SCHIP1: variants seen among roughly 807,000 people sequenced by gnomAD.
SCHIP1 encodes the protein schwannomin-interacting protein 1.
SCHIP1 carries 8 observed loss-of-function variants against 29.7 expected under a neutral mutation model. That is an observed-to-expected ratio of 0.27 (90% CI 0.16 to 0.49). The LOEUF (loss-of-function observed/expected upper bound fraction) is 0.49, where lower values mean the gene tolerates loss of function less well. Ranked by LOEUF, SCHIP1 falls within the 20% of genes least tolerant of loss-of-function variation. The pLI is 0.99. For missense variants in SCHIP1, 193 were observed against 294.6 expected (o/e 0.66, Z 2.52); for synonymous variants, 76 against 94.9 (o/e 0.80, Z 1.16).
At chr3:159,811,768 T>C in the SCHIP1 span, among the ~76,000 whole-genome samples, 1 of 152,184 alleles carries the variant, frequency 6.6e-6, no homozygotes, top group African/African-American at 2.4e-5. Context: ...CTTTTCTAGG[T>C]CCTTTGCATT....
the SCHIP1 span, among the ~76,000 whole-genome samples, chr3:159,576,596 A>G: frequency 6.6e-6 from 1 of 151,970 alleles, no homozygotes; most frequent in Admixed American, 6.6e-5. Context: ...TATTTTCTCC[A>G]TCTTATATTT....
the SCHIP1 span, among the ~76,000 whole-genome samples, chr3:159,327,624 C>A: frequency 2.0e-5 from 3 of 152,154 alleles, no homozygotes; most frequent in African/African-American, 7.2e-5. Context: ...CATTTGCTAG[C>A]AAGCCCACTG....
the SCHIP1 span, among the ~76,000 whole-genome samples, chr3:159,442,362 GGATAGGAGCGCTCCAACCTTTGTT>G: frequency 6.6e-6 from 1 of 152,154 alleles, no homozygotes; most frequent in Non-Finnish European, 1.5e-5. Context: ...AGTCTGGTCA[GGATAGGAGCGCTCCAACCTTTGTT>G]TCTGTCCCCT....
chr3:159,883,575 G>A lies in SCHIP1; in HGVS notation c.150-2632G>A, dbSNP rs149453472. On this transcript the variant is annotated intron_variant, in intron 2 of 6. Transcript: ENST00000445224. ...GAGAGCTGACTTCATCTTAAAACCC[G>A]CTTAAAGGCTAAAAGCAAACAAATC... Among the ~76,000 whole-genome samples the A allele has an allele frequency of 1.8e-3, 276 of 152,068 alleles. 3 individuals carry two copies. The East Asian group carries it at 0.039, about 21-fold the overall frequency.
At chr3:159,417,298 A>C in the SCHIP1 span, among the ~76,000 whole-genome samples, 1 of 152,358 alleles carries the variant, frequency 6.6e-6, no homozygotes, top group East Asian at 1.9e-4. Context: ...AATTGGCAGA[A>C]GAAATTTGGG....
chr3:159,359,953 G>A, the SCHIP1 span, among the ~76,000 whole-genome samples: 7 of 152,316 alleles, frequency 4.6e-5, no homozygotes, highest in African/African-American at 1.7e-4. Flanking sequence ...TAAGTTTTGT[G>A]TACTCTCCCT....
At chr3:159,572,228 G>T in the SCHIP1 span, among the ~76,000 whole-genome samples, 1 of 152,150 alleles carries the variant, frequency 6.6e-6, no homozygotes, top group East Asian at 1.9e-4. Flanking sequence ...GTCAATTTTA[G>T]ATCTTTCCTG....
At chr3:159,487,692 C>A in the SCHIP1 span, among the ~76,000 whole-genome samples, 1 of 152,182 alleles carries the variant, frequency 6.6e-6, no homozygotes, top group African/African-American at 2.4e-5. Context: ...CCATAGCAGG[C>A]CTGTGTGATA....
At chr3:159,736,835 C>G in the SCHIP1 span, among the ~76,000 whole-genome samples, 1 of 151,918 alleles carries the variant, frequency 6.6e-6, no homozygotes, top group Non-Finnish European at 1.5e-5. Flanking sequence ...CCCGGGTTCA[C>G]GCCATTCTCC....
At chr3:159,491,619 G>T in the SCHIP1 span, among the ~76,000 whole-genome samples, 1 of 152,240 alleles carries the variant, frequency 6.6e-6, no homozygotes, top group African/African-American at 2.4e-5. Context: ...AATTCGAACT[G>T]GGTGGAGCCC....
the SCHIP1 span, among the ~76,000 whole-genome samples, chr3:159,403,462 GAGAA>G: frequency 6.6e-6 from 1 of 152,232 alleles, no homozygotes; most frequent in East Asian, 1.9e-4. Flanking sequence ...GTATGGCACA[GAGAA>G]AGAATTTGTG....
chr3:159,771,688 T>C, the SCHIP1 span, among the ~76,000 whole-genome samples: 2 of 92,996 alleles, frequency 2.2e-5, no homozygotes, highest in Non-Finnish European at 3.9e-5. Context: ...TTTTTGTCTT[T>C]GTTGTTTTTT....
upstream of SCHIP1, among the ~76,000 whole-genome samples, chr3:159,837,862 T>A (rs1035506108): frequency 6.6e-6 from 1 of 152,174 alleles, no homozygotes; most frequent in African/African-American, 2.4e-5. Context: ...AAAGTTTCCA[T>A]CTTCTTGTCT....
At chr3:159,694,829 T>A in the SCHIP1 span, among the ~76,000 whole-genome samples, 2 of 152,172 alleles carry the variant, frequency 1.3e-5, no homozygotes, top group Non-Finnish European at 2.9e-5. Context: ...AGCACTTCAG[T>A]CCCTTCCAAC....
chr3:159,416,538 C>T, the SCHIP1 span, among the ~76,000 whole-genome samples: 1 of 152,114 alleles, frequency 6.6e-6, no homozygotes, highest in Non-Finnish European at 1.5e-5. Flanking sequence ...TTTTGTTGTT[C>T]ATACTTTCTT....
chr3:159,592,032 A>G, the SCHIP1 span, among the ~76,000 whole-genome samples: 1 of 151,574 alleles, frequency 6.6e-6, no homozygotes, highest in Admixed American at 6.6e-5. Context: ...AGTGTGGATT[A>G]TCTTTGGCCC....
the SCHIP1 span, among the ~76,000 whole-genome samples, chr3:159,823,317 G>T: frequency 8.5e-5 from 13 of 152,320 alleles, no homozygotes; most frequent in African/African-American, 3.1e-4. Context: ...TGAAGAGGAT[G>T]AGGGTCATGA....
At chr3:159,341,622 C>T in the SCHIP1 span, among the ~76,000 whole-genome samples, 4 of 152,138 alleles carry the variant, frequency 2.6e-5, no homozygotes, top group Non-Finnish European at 4.4e-5. Flanking sequence ...ATAGGTCTTT[C>T]CTCTTCCCTG....
At chr3:159,549,910 G>A in the SCHIP1 span, among the ~76,000 whole-genome samples, 1 of 152,026 alleles carries the variant, frequency 6.6e-6, no homozygotes, top group African/African-American at 2.4e-5. Context: ...CTTATTATCT[G>A]GGGAAGAGTC....
Sources: gnomAD v4.1 joint callset for allele counts (sites outside exome capture counted in the v4.1 genomes callset) on GRCh38, gnomAD v4.1.1 for gene constraint, MANE v1.5 for transcripts, NCBI Gene and HGNC (gene_info 2026-07-23, HGNC 2026-07-21) for gene names.